The following WNT3A variants were observed in gnomAD, a reference collection of about 807,000 sequenced individuals.
The protein encoded by WNT3A is Wnt family member 3A.
In WNT3A, 17 loss-of-function variants were observed where a neutral mutation model predicts 37.0. The observed-to-expected ratio is 0.46, with a 90% confidence interval of 0.31 to 0.69. The LOEUF (loss-of-function observed/expected upper bound fraction) is 0.69. WNT3A is among the 30% of genes least tolerant of loss of function. WNT3A has a pLI of 0.05. For missense variants in WNT3A, 411 were observed against 510.2 expected, an observed-to-expected ratio of 0.81 and a Z score of 1.87; for synonymous variants, 187 against 211.0, an observed-to-expected ratio of 0.89 and a Z score of 0.99.
chr1:228,030,550 G>T (rs761911271), intron 2 of WNT3A, among the ~76,000 whole-genome samples: 2 of 152,162 alleles, frequency 1.3e-5, no homozygotes, highest in Non-Finnish European at 2.9e-5. Context: ...ATGTGTCCTC[G>T]CCGGGCACTG....
chr1:228,046,977 C>T (rs1420350356), intron 2 of WNT3A, among the ~76,000 whole-genome samples: 1 of 152,102 alleles, frequency 6.6e-6, no homozygotes, highest in Non-Finnish European at 1.5e-5. Context: ...TCCTAGGGGC[C>T]TCTTCATGGC....
rs570606457 is a variant in WNT3A at position 228,050,163 on chromosome 1, C to T, written c.314-493C>T. Among the ~76,000 whole-genome samples the T allele has an allele frequency of 8.6e-5, 13 of 152,020 alleles. No individual in the cohort carries two copies. In the South Asian group the frequency reaches 1.9e-3, roughly 22 times the overall value. On this transcript the variant is annotated intron_variant, in intron 2 of 3. Transcript: ENST00000284523. The surrounding 1 kb of genome is among the most constrained non-coding windows in gnomAD (Gnocchi z 5.0). ...ACTTCCTGGGCTCAAGTGATCCTCC[C>T]GCCTCAGCCTCCCAAGTAGTTGGGG...
chr1:228,014,911 A>T (rs990473406), intron 1 of WNT3A, among the ~76,000 whole-genome samples: 1 of 152,242 alleles, frequency 6.6e-6, no homozygotes, highest in Admixed American at 6.5e-5. Context: ...CACAGGCGGA[A>T]GCCATGGGTC....
chr1:228,045,187 A>G (rs556768280), intron 2 of WNT3A, among the ~76,000 whole-genome samples: 3 of 152,170 alleles, frequency 2.0e-5, no homozygotes, highest in Non-Finnish European at 4.4e-5. Context: ...GCAGGGCATG[A>G]GTGAGGCACA....
At chr1:228,013,175 G>A (rs1233450629) in intron 1 of WNT3A, among the ~76,000 whole-genome samples, 1 of 152,160 alleles carries the variant, frequency 6.6e-6, no homozygotes, top group African/African-American at 2.4e-5. Context: ...GGCCTTGTGA[G>A]TAGCTGGGAT....
intron 2 of WNT3A, among the ~76,000 whole-genome samples, chr1:228,030,825 A>G (rs1238763894): frequency 6.6e-6 from 1 of 152,008 alleles, no homozygotes; most frequent in Non-Finnish European, 1.5e-5. Flanking sequence ...CCTATCCCCC[A>G]ACCCTGCTTC....
At position 228,008,406 on chromosome 1, in the gene WNT3A, G is replaced by A. The variant is rs2030269045; in HGVS notation, c.71+1207G>A. 6.6e-6 allele frequency among the ~76,000 whole-genome samples: 1 copy of A among 152,218 alleles called. No homozygotes were observed. Among genetic ancestry groups the A allele is most frequent in the Non-Finnish European group, 1.5e-5 (1 of 68,040 alleles). ...CTCTTCGAGATGGTTCAGGAGCGGG[G>A]GCTCCCGCGGTAGGGGCGCCGGGCC... On this transcript the variant is annotated intron_variant, in intron 1 of 3. Coordinates refer to ENST00000284523, the MANE Select transcript of WNT3A (RefSeq NM_033131.4). This position sits in a 1 kb window ranked among gnomAD's most constrained non-coding sequence, Gnocchi z 4.9.
rs775493885 is a variant in WNT3A, at chr1:228,050,080, A to G, written c.314-576A>G. 4.0e-4 allele frequency among the ~76,000 whole-genome samples: 60 copies of G among 151,630 alleles called. No homozygotes were observed. The highest frequency in any genetic ancestry group is 9.8e-4 in the Admixed American group (15 of 15,234). On this transcript the variant is annotated intron_variant, in intron 2 of 3. Coordinates refer to ENST00000284523, the MANE Select transcript of WNT3A (RefSeq NM_033131.4). This position sits in a 1 kb window ranked among gnomAD's most constrained non-coding sequence, Gnocchi z 5.0. ...AGATGTAAGCCACCTTGCCAGCTGT[A>G]TGTTTTTTAAGACAGGGCTGGAGTG...
In WNT3A at chr1:228,007,239, C is replaced by A; in HGVS notation, c.71+40C>A. 1.3e-6 allele frequency: 2 copies of A among 1,574,202 alleles called. No individual in the cohort carries two copies. Among genetic ancestry groups the A allele is most frequent in the Non-Finnish European group, 1.7e-6 (2 of 1,159,350 alleles). On this transcript the variant is annotated intron_variant, in intron 1 of 3. Coordinates refer to ENST00000284523, the MANE Select transcript of WNT3A (RefSeq NM_033131.4). The surrounding 1 kb of genome is among the most constrained non-coding windows in gnomAD (Gnocchi z 6.0). ...TCGCGTTCGCCCCTGCCCCTGTGCG[C>A]CGCGCCCGCAGCAGACGGTCCCCTC... is the stretch of plus-strand genomic sequence containing the variant.
intron 2 of WNT3A, among the ~76,000 whole-genome samples, chr1:228,048,575 GTTTT>G (rs985392521): frequency 5.3e-5 from 8 of 152,088 alleles, no homozygotes; most frequent in Admixed American, 5.2e-4. Context: ...TTTTTATTTT[GTTTT>G]TTTGAGACAG....
intron 2 of WNT3A, among the ~76,000 whole-genome samples, chr1:228,046,436 ATGTGTGTGCATGTGTC>A (rs2031408091): frequency 1.6e-5 from 2 of 124,338 alleles, no homozygotes. Flanking sequence ...ATGCATATGT[ATGTGTGTGCATGTGTC>A]TGTGTGTGCA....
chr1:228,019,159 T>A (rs2030617773), intron 1 of WNT3A, among the ~76,000 whole-genome samples: 1 of 152,188 alleles, frequency 6.6e-6, no homozygotes, highest in Non-Finnish European at 1.5e-5. Context: ...ACCCTGAGAA[T>A]GGAGGCTTCA....
intron 1 of WNT3A, among the ~76,000 whole-genome samples, chr1:228,015,313 G>A (rs146523411): frequency 7.9e-5 from 12 of 152,352 alleles, no homozygotes; most frequent in African/African-American, 2.6e-4. Flanking sequence ...TGGAGATATT[G>A]GAAGAGCAGG....
At chr1:228,027,951 T>C (rs973214470) in intron 2 of WNT3A, among the ~76,000 whole-genome samples, 3 of 152,210 alleles carry the variant, frequency 2.0e-5, no homozygotes, top group Non-Finnish European at 4.4e-5. Flanking sequence ...GATTTTTGTA[T>C]AAGGTGAGAG....
Position 228,050,929 on chromosome 1 carries a change from C to G in WNT3A, c.579+8C>G. 6.6e-7 allele frequency: 1 copy of G among 1,526,550 alleles called. No homozygotes were observed. The highest frequency in any genetic ancestry group is 8.8e-7 in the Non-Finnish European group (1 of 1,136,846). 94.6% of individuals were successfully genotyped at this position (1,526,550 alleles called of 1,614,324 possible). On this transcript the variant is annotated splice_region_variant and intron_variant, in intron 3 of 3. Transcript: ENST00000284523. This position sits in a 1 kb window ranked among gnomAD's most constrained non-coding sequence, Gnocchi z 5.0. ...AACGAGGCTGGGCGCCAGGTAGGTT[C>G]GCCGCCCGCAAGGGTGCTTGGGAAA...
At chr1:228,051,175 A>G (rs1425034886) in intron 3 of WNT3A, among the ~76,000 whole-genome samples, 2 of 152,216 alleles carry the variant, frequency 1.3e-5, no homozygotes, top group Non-Finnish European at 2.9e-5. Flanking sequence ...AGGCCTGGTC[A>G]ACAGGAGCCC....
chr1:228,009,939 T>C (rs552220326), intron 1 of WNT3A, among the ~76,000 whole-genome samples: 1 of 152,254 alleles, frequency 6.6e-6, no homozygotes, highest in South Asian at 2.1e-4. Flanking sequence ...TAACACTGAA[T>C]GGCCCAGAGC....
At chr1:228,020,004 T>C (rs902397670) in intron 1 of WNT3A, among the ~76,000 whole-genome samples, 3 of 152,332 alleles carry the variant, frequency 2.0e-5, no homozygotes, top group African/African-American at 7.2e-5. Flanking sequence ...GGCAGGTGGA[T>C]CACCTGAGGT....
At position 228,059,089 on chromosome 1, in the gene WNT3A, G is replaced by A. The variant is rs2031740489; in HGVS notation, c.683G>A (p.Gly228Asp). ...TCGCAACCCGACTTCCGCGCCATCGGTGACTTCCTCAAGGACAAGTACGAC... is the reference window on the plus strand; with the variant it reads ...TCGCAACCCGACTTCCGCGCCATCGATGACTTCCTCAAGGACAAGTACGAC... Reference protein sequence around the residue: ...WWSQPDFRAIGDFLKDKYDSA... With the variant: ...WWSQPDFRAIDDFLKDKYDSA... The change falls in exon 4 of 4, where the codon GGT (glycine) becomes GAT (aspartate). Residue 228 changes from glycine (G) to aspartate (D), a missense_variant. Physicochemically the swap from Gly to Asp is moderately conservative, Grantham distance 94. Transcript: ENST00000284523. The A allele has an allele frequency of 6.2e-7, 1 of 1,613,626 alleles. No individual in the cohort carries two copies. Among genetic ancestry groups the A allele is most frequent in the Non-Finnish European group, 8.5e-7 (1 of 1,179,990 alleles).
Sources: allele counts gnomAD v4.1 joint callset (sites outside exome capture counted in the v4.1 genomes callset), GRCh38; gene constraint gnomAD v4.1.1; non-coding constraint Gnocchi (gnomAD v3.1); transcripts MANE v1.5; gene names NCBI Gene and HGNC (gene_info 2026-07-23, HGNC 2026-07-21).